PCMTD1: variants seen among roughly 807,000 people sequenced by gnomAD.
The protein encoded by PCMTD1 is protein-L-isoaspartate (D-aspartate) O-methyltransferase domain containing 1.
PCMTD1 carries 12 observed loss-of-function variants against 37.6 expected under a neutral mutation model. That is an observed-to-expected ratio of 0.32 (90% CI 0.20 to 0.52). The LOEUF (loss-of-function observed/expected upper bound fraction) is 0.52, where lower values mean the gene tolerates loss of function less well. Among genes scored for constraint, PCMTD1 ranks in the 20% least tolerant of loss-of-function variants. The probability of loss-of-function intolerance (pLI) is 0.97; values close to 1 mark genes in which losing one functional copy is unlikely to be tolerated. For missense variants in PCMTD1, 235 were observed against 421.3 expected (o/e 0.56, Z 3.87); for synonymous variants, 117 against 135.8 (o/e 0.86, Z 0.96).
chr8:51,819,536 T>G lies in PCMTD1; in HGVS notation c.*815A>C, dbSNP rs2037813723. ...TGCTTTTTTTAAAAAACCAAATACT[T>G]TATACAGTGAACTACAGAAAAAACA... On this transcript the variant is annotated 3_prime_UTR_variant, in exon 6 of 6. Transcript: ENST00000522514. 1 of 152,566 alleles carries G rather than the reference T, an allele frequency of 6.6e-6. No individual in the cohort carries two copies. Among genetic ancestry groups the G allele is most frequent in the Admixed American group, 6.5e-5 (1 of 15,270 alleles). 9.5% of individuals were successfully genotyped at this position (152,566 alleles called of 1,614,324 possible).
chr8:51,873,779 C>A (rs887458449), intron 1 of PCMTD1, among the ~76,000 whole-genome samples: 1 of 152,176 alleles, frequency 6.6e-6, no homozygotes, highest in Non-Finnish European at 1.5e-5. Flanking sequence ...TGAGTAAAAG[C>A]TTCTTGGGGC....
At chr8:51,844,163 C>A (rs2038185530) in intron 3 of PCMTD1, among the ~76,000 whole-genome samples, 1 of 152,062 alleles carries the variant, frequency 6.6e-6, no homozygotes, top group African/African-American at 2.4e-5. Flanking sequence ...CAAAAAGATG[C>A]TAAAATTGAA....
chr8:51,866,308 A>T (rs987329831), intron 1 of PCMTD1, among the ~76,000 whole-genome samples: 5 of 151,928 alleles, frequency 3.3e-5, no homozygotes, highest in Non-Finnish European at 7.4e-5. Context: ...AAACAATCCT[A>T]AAATTTGTGA....
At chr8:51,846,035 T>A (rs767849905) in intron 2 of PCMTD1, among the ~76,000 whole-genome samples, 1 of 151,858 alleles carries the variant, frequency 6.6e-6, no homozygotes, top group South Asian at 2.1e-4. Flanking sequence ...CCCAAGAGAG[T>A]AGCTTATCTG....
intron 1 of PCMTD1, among the ~76,000 whole-genome samples, chr8:51,884,539 T>G (rs147288056): frequency 6.6e-6 from 1 of 152,140 alleles, no homozygotes; most frequent in Non-Finnish European, 1.5e-5. Context: ...CACAAAGAAA[T>G]AGTCTTTTTA....
intron 1 of PCMTD1, among the ~76,000 whole-genome samples, chr8:51,884,906 A>G (rs1014257803): frequency 6.6e-6 from 1 of 152,176 alleles, no homozygotes; most frequent in African/African-American, 2.4e-5. Context: ...TGGGTGCTCA[A>G]TTGTAGTTCT....
At chr8:51,830,352 T>C (rs972920311) in intron 5 of PCMTD1, among the ~76,000 whole-genome samples, 1 of 152,240 alleles carries the variant, frequency 6.6e-6, no homozygotes, top group Non-Finnish European at 1.5e-5. Flanking sequence ...TTTGTCTGTA[T>C]GGTAACAGAC....
intron 5 of PCMTD1, among the ~76,000 whole-genome samples, chr8:51,821,363 A>G (rs531188562): frequency 2.0e-5 from 3 of 152,092 alleles, no homozygotes; most frequent in African/African-American, 7.2e-5. Flanking sequence ...GGTCTCTTTA[A>G]CTCCTGAGCT....
At chr8:51,881,548 CAG>C (rs1344435555) in intron 1 of PCMTD1, among the ~76,000 whole-genome samples, 1 of 152,198 alleles carries the variant, frequency 6.6e-6, no homozygotes, top group Non-Finnish European at 1.5e-5. Context: ...TACAGACAGG[CAG>C]AGTGTAGTAA....
chr8:51,828,208 C>G (rs566894877), intron 5 of PCMTD1, among the ~76,000 whole-genome samples: 1 of 152,130 alleles, frequency 6.6e-6, no homozygotes, highest in Non-Finnish European at 1.5e-5. Context: ...GGTTGGGTCA[C>G]GGTCAAAGCC....
chr8:51,836,483 AATTT>A (rs5891435), intron 3 of PCMTD1, among the ~76,000 whole-genome samples: 104,119 of 151,746 alleles, frequency 0.69, 42,183 homozygotes, highest in Non-Finnish European at 0.9. Flanking sequence ...ACATTTTTAA[AATTT>A]ATTTTCCTGC....
chr8:51,826,712 T>G (rs1165993384), intron 5 of PCMTD1, among the ~76,000 whole-genome samples: 3 of 152,102 alleles, frequency 2.0e-5, no homozygotes, highest in Middle Eastern at 3.2e-3. Flanking sequence ...AACTAATGAT[T>G]TGGGGGTCTT....
chr8:51,863,782 C>T (rs1180779834), intron 1 of PCMTD1, among the ~76,000 whole-genome samples: 1 of 152,090 alleles, frequency 6.6e-6, no homozygotes, highest in Non-Finnish European at 1.5e-5. Context: ...AAAAATTTAG[C>T]TGGGTGTGGT....
chr8:51,871,098 CTT>C (rs1466659288), intron 1 of PCMTD1, among the ~76,000 whole-genome samples: 2 of 152,112 alleles, frequency 1.3e-5, no homozygotes. Flanking sequence ...ACATTCTAAA[CTT>C]TCATTTTTAA....
intron 1 of PCMTD1, among the ~76,000 whole-genome samples, chr8:51,867,476 GGTGTGT>G (rs59206546): frequency 0.052 from 7,339 of 141,478 alleles, 469 homozygotes; most frequent in African/African-American, 0.15. Context: ...TAAAGAAAAT[GGTGTGT>G]GTGTGTGTGT....
intron 2 of PCMTD1, among the ~76,000 whole-genome samples, chr8:51,859,225 A>G (rs957529562): frequency 3.9e-5 from 6 of 151,952 alleles, no homozygotes; most frequent in Non-Finnish European, 7.4e-5. Flanking sequence ...ATGTTCAAGG[A>G]CAGCAATTCC....
At chr8:51,846,491 T>C (rs1403364328) in intron 2 of PCMTD1, among the ~76,000 whole-genome samples, 1 of 152,202 alleles carries the variant, frequency 6.6e-6, no homozygotes, top group East Asian at 1.9e-4. Flanking sequence ...TGTACATACA[T>C]ACTAACCTGC....
rs142767213 is a variant in PCMTD1 at position 51,823,241 on chromosome 8, A to T, written c.707-2523T>A. 5.1e-4 allele frequency among the ~76,000 whole-genome samples: 77 copies of T among 152,330 alleles called. 1 individual carries two copies. Among genetic ancestry groups the T allele is most frequent in the African/African-American group, 1.2e-3 (49 of 41,582 alleles). ...CACTTTGAGAGGCTGAAGCAGGTGG[A>T]TCACTTGAGCCCATGATCTTGAGAC... On this transcript the variant is annotated intron_variant, in intron 5 of 5. Coordinates refer to ENST00000522514, the MANE Select transcript of PCMTD1 (RefSeq NM_052937.4).
At chr8:51,836,875 C>T (rs967244983) in intron 3 of PCMTD1, among the ~76,000 whole-genome samples, 1 of 152,102 alleles carries the variant, frequency 6.6e-6, no homozygotes, top group African/African-American at 2.4e-5. Context: ...TGACCAGCCA[C>T]CTATGGTACT....
Sources: allele counts gnomAD v4.1 joint callset (sites outside exome capture counted in the v4.1 genomes callset), GRCh38; gene constraint gnomAD v4.1.1; transcripts MANE v1.5; gene names NCBI Gene and HGNC (gene_info 2026-07-23, HGNC 2026-07-21).